PARD3B: variants seen among roughly 807,000 people sequenced by gnomAD.
PARD3B encodes par-3 family cell polarity regulator beta, also known as partitioning defective 3 homolog B.
In PARD3B, 103 loss-of-function variants were observed where a neutral mutation model predicts 130.2. The ratio of observed to expected loss-of-function variants is 0.79; its 90% CI spans 0.67 to 0.93. The LOEUF (loss-of-function observed/expected upper bound fraction) is 0.93. Ranked by LOEUF, PARD3B falls within the 40% of genes least tolerant of loss-of-function variation. The probability of loss-of-function intolerance (pLI) is 0.00; values close to 1 mark genes in which losing one functional copy is unlikely to be tolerated. For synonymous variants in PARD3B, 583 were observed against 553.2 expected (o/e 1.05, Z -0.76); for missense variants, 1,609 against 1,499.2 (o/e 1.07, Z -1.21).
At position 204,673,531 on chromosome 2, in the gene PARD3B, G is replaced by T. The variant is rs1354942066; in HGVS notation, c.121-12650G>T. Among the ~76,000 whole-genome samples the T allele has an allele frequency of 6.6e-6, 1 of 152,172 alleles. No homozygotes were observed. The highest frequency in any genetic ancestry group is 1.9e-4 in the East Asian group (1 of 5,182). On this transcript the variant is annotated intron_variant, in intron 1 of 22. Coordinates refer to ENST00000406610, the MANE Select transcript of PARD3B (RefSeq NM_001302769.2). This position sits in a 1 kb window ranked among gnomAD's most constrained non-coding sequence, Gnocchi z 4.7. ...CTGAGCTTTGACTTATTTTACAAATGACTGCAATGAGACTTGCCCTGGGGC... is the reference window on the plus strand; with the variant it reads ...CTGAGCTTTGACTTATTTTACAAATTACTGCAATGAGACTTGCCCTGGGGC...
At position 205,458,297 on chromosome 2, in the gene PARD3B, C is replaced by A. The variant is rs999582059; in HGVS notation, c.3044+17625C>A. Reference sequence around the variant, plus strand: ...CTCTTCTTCCTCTTGTCTTCCTCCTCGTCTTCCATTTTCTTCTGTCTTTCT... The same window carrying A: ...CTCTTCTTCCTCTTGTCTTCCTCCTAGTCTTCCATTTTCTTCTGTCTTTCT... On this transcript the variant is annotated intron_variant, in intron 20 of 22. Coordinates refer to ENST00000406610, the MANE Select transcript of PARD3B (RefSeq NM_001302769.2). This position sits in a 1 kb window ranked among gnomAD's most constrained non-coding sequence, Gnocchi z 4.8. 3.3e-5 allele frequency among the ~76,000 whole-genome samples: 5 copies of A among 152,018 alleles called. No individual in the cohort carries two copies. Among genetic ancestry groups the A allele is most frequent in the Non-Finnish European group, 7.4e-5 (5 of 67,974 alleles).
chr2:204,801,476 A>G (rs1011510625), intron 2 of PARD3B, among the ~76,000 whole-genome samples: 1 of 152,150 alleles, frequency 6.6e-6, no homozygotes. Context: ...CTTTTTAGCA[A>G]TTGTGAATGG....
At chr2:205,043,460 T>C (rs1355283262) in intron 3 of PARD3B, among the ~76,000 whole-genome samples, 4 of 152,134 alleles carry the variant, frequency 2.6e-5, no homozygotes, top group Non-Finnish European at 5.9e-5. Context: ...CAGTGCAAGT[T>C]CAATGCCACA....
intron 4 of PARD3B, among the ~76,000 whole-genome samples, chr2:205,094,904 C>A (rs1265131559): frequency 6.6e-6 from 1 of 152,096 alleles, no homozygotes; most frequent in Non-Finnish European, 1.5e-5. Context: ...GCTGAATTAT[C>A]CCAACTTCCT....
At chr2:205,032,312 G>A (rs1697484919) in intron 3 of PARD3B, among the ~76,000 whole-genome samples, 1 of 152,070 alleles carries the variant, frequency 6.6e-6, no homozygotes, top group Non-Finnish European at 1.5e-5. Flanking sequence ...GTCTTCCAGA[G>A]TACTTTCACA....
At chr2:205,478,767 A>G (rs2049117994) in intron 20 of PARD3B, among the ~76,000 whole-genome samples, 1 of 152,142 alleles carries the variant, frequency 6.6e-6, no homozygotes, top group Non-Finnish European at 1.5e-5. Flanking sequence ...ACCTTTTTTA[A>G]AGTGTGTGAG....
intron 2 of PARD3B, among the ~76,000 whole-genome samples, chr2:204,809,378 A>T (rs1033684415): frequency 6.6e-6 from 1 of 152,116 alleles, no homozygotes; most frequent in African/African-American, 2.4e-5. Flanking sequence ...GATATTACCT[A>T]GGTTGTCTTC....
chr2:205,444,038 A>T (rs1045399157), intron 20 of PARD3B, among the ~76,000 whole-genome samples: 1 of 152,178 alleles, frequency 6.6e-6, no homozygotes, highest in Non-Finnish European at 1.5e-5. Context: ...GCTGGAGTGC[A>T]GTGGCATGAT....
intron 2 of PARD3B, among the ~76,000 whole-genome samples, chr2:204,827,289 T>G (rs1178658715): frequency 6.7e-6 from 1 of 150,284 alleles, no homozygotes; most frequent in African/African-American, 2.4e-5. Context: ...ATCAGTATAG[T>G]GATAGAAATG....
chr2:204,548,276 T>G (rs915420859), intron 1 of PARD3B, among the ~76,000 whole-genome samples: 8 of 152,302 alleles, frequency 5.3e-5, no homozygotes, highest in Admixed American at 5.2e-4. Context: ...GTGTAGTAAA[T>G]TCACTTTCTG....
chr2:205,138,373 C>G (rs2032669893), intron 10 of PARD3B, among the ~76,000 whole-genome samples: 1 of 152,100 alleles, frequency 6.6e-6, no homozygotes, highest in African/African-American at 2.4e-5. Flanking sequence ...ATGCTGGACA[C>G]CAGTCTCCCT....
In PARD3B at chr2:205,618,358, A is replaced by G. The variant is rs971490079; in HGVS notation, c.*2545A>G. The G allele has an allele frequency of 5.3e-5, 8 of 152,204 alleles. No individual in the cohort carries two copies. The highest frequency in any genetic ancestry group is 8.8e-5 in the Non-Finnish European group (6 of 68,042). 9.4% of individuals were successfully genotyped at this position (152,204 alleles called of 1,614,324 possible). On this transcript the variant is annotated 3_prime_UTR_variant, in exon 23 of 23. Transcript: ENST00000406610. ...TAAATGCCCGTGTACTCACCCTTCAATTGTTACCACCCAGAGGTTACAGGA... is the reference window on the plus strand; with the variant it reads ...TAAATGCCCGTGTACTCACCCTTCAGTTGTTACCACCCAGAGGTTACAGGA...
chr2:204,567,837 C>A (rs1337008827), intron 1 of PARD3B, among the ~76,000 whole-genome samples: 1 of 152,180 alleles, frequency 6.6e-6, no homozygotes, highest in Non-Finnish European at 1.5e-5. Flanking sequence ...CATCAGTGAG[C>A]AAAGGTTTCA....
chr2:204,641,267 T>C (rs1268592183), intron 1 of PARD3B, among the ~76,000 whole-genome samples: 3 of 150,942 alleles, frequency 2.0e-5, no homozygotes, highest in African/African-American at 7.3e-5. Flanking sequence ...CATATGTGGA[T>C]GAGCAGGCAT....
At position 205,409,709 on chromosome 2, in the gene PARD3B, C is replaced by T. The variant is rs117754393; in HGVS notation, c.2741+8586C>T. Among the ~76,000 whole-genome samples, 339 of 152,282 alleles carry T rather than the reference C, an allele frequency of 2.2e-3. 10 individuals are homozygous for T. In the East Asian group the frequency reaches 0.049, roughly 22 times the overall value. Reference sequence around the variant, plus strand: ...CATTTAGGCAAACTTCTATGAAGTACACCAGCTCTCTACAAATTGTTTTAA... The same window carrying T: ...CATTTAGGCAAACTTCTATGAAGTATACCAGCTCTCTACAAATTGTTTTAA... On this transcript the variant is annotated intron_variant, in intron 19 of 22. Coordinates refer to ENST00000406610, the MANE Select transcript of PARD3B (RefSeq NM_001302769.2).
intron 18 of PARD3B, among the ~76,000 whole-genome samples, chr2:205,385,839 C>T (rs2045642583): frequency 6.6e-6 from 1 of 151,888 alleles, no homozygotes; most frequent in African/African-American, 2.4e-5. Context: ...TTCAGTATAC[C>T]AATACTTTGC....
intron 3 of PARD3B, among the ~76,000 whole-genome samples, chr2:204,989,371 A>G (rs1693446134): frequency 6.6e-6 from 1 of 152,222 alleles, no homozygotes; most frequent in African/African-American, 2.4e-5. Context: ...AACTGGAAGC[A>G]CTTACATAGC....
chr2:205,390,256 G>T (rs1184062539), intron 18 of PARD3B, among the ~76,000 whole-genome samples: 1 of 149,296 alleles, frequency 6.7e-6, no homozygotes, highest in East Asian at 2.0e-4. Context: ...TGTTCTCATT[G>T]TCTTTCCAGG....
intron 1 of PARD3B, among the ~76,000 whole-genome samples, chr2:204,605,996 C>T (rs2033710203): frequency 1.3e-5 from 2 of 152,146 alleles, no homozygotes; most frequent in Admixed American, 1.3e-4. Flanking sequence ...GCTATTGCTT[C>T]TCAGTGAAAA....
Sources: gnomAD v4.1 joint callset for allele counts (sites outside exome capture counted in the v4.1 genomes callset) on GRCh38, gnomAD v4.1.1 for gene constraint, Gnocchi (gnomAD v3.1) non-coding constraint, MANE v1.5 for transcripts, NCBI Gene and HGNC (gene_info 2026-07-23, HGNC 2026-07-21) for gene names.